Variants in NHSL1 observed in about 807,000 individuals in gnomAD.
The protein encoded by NHSL1 is NHS like 1.
NHSL1 carries 48 observed loss-of-function variants against 95.0 expected under a neutral mutation model. The ratio of observed to expected loss-of-function variants is 0.51; its 90% CI spans 0.40 to 0.64. The LOEUF is 0.64. NHSL1 is among the 30% of genes least tolerant of loss of function. The probability of loss-of-function intolerance (pLI) is 0.00; values close to 1 mark genes in which losing one functional copy is unlikely to be tolerated. For missense variants in NHSL1, 1,971 were observed against 2,077.7 expected, an observed-to-expected ratio of 0.95 and a Z score of 1.00; for synonymous variants, 783 against 833.9, an observed-to-expected ratio of 0.94 and a Z score of 1.05.
In NHSL1 at chr6:138,544,983, CTTTTTTTTTTT is replaced by C. The variant is rs35979187; in HGVS notation, c.16+629_16+639del. 4.9e-4 allele frequency among the ~76,000 whole-genome samples: 41 copies of C among 83,470 alleles called. No individual in the cohort carries two copies. In the East Asian group the frequency reaches 0.014, roughly 28 times the overall value. 54.8% of individuals were successfully genotyped at this position (83,470 alleles called of 152,430 possible). ...GAACAAGAAGTATGTTCTTTCTTTT[CTTTTTTTTTTT>C]TTTTTTTTTTTTTGAGACCGAGTTT... On this transcript the variant is annotated intron_variant, in intron 1 of 4. Coordinates refer to the NHSL1 transcript ENST00000342260.
chr6:138,511,751 C>T (rs1181818132), intron 1 of NHSL1, among the ~76,000 whole-genome samples: 1 of 152,140 alleles, frequency 6.6e-6, no homozygotes, highest in East Asian at 1.9e-4. Flanking sequence ...GCCTGGGCAA[C>T]ATGGCAAAAA....
rs116110066 is a variant in NHSL1, at chr6:138,424,185, C to G, written c.4717G>C (p.Ala1573Pro). 7.4e-3 allele frequency: 10,842 copies of G among 1,473,514 alleles called. 614 individuals carry two copies. In the African/African-American group the frequency reaches 0.13, roughly 18 times the overall value. 91.3% of individuals were successfully genotyped at this position (1,473,514 alleles called of 1,614,324 possible). The change falls in exon 8 of 8, where the codon GCC becomes CCC. Residue 1573 changes from alanine to proline, a missense_variant. Transcript: ENST00000343505. The surrounding 1 kb of genome is among the most constrained non-coding windows in gnomAD (Gnocchi z 5.9). ...CCGGGGGCCTGGGGCTGCAGGGAGG[C>G]GGCAGGCCCCTCCCCACAGAGCAGG... ...GGLLCGEGPA[A>P]SLQPQAPGPV...
intron 1 of NHSL1, among the ~76,000 whole-genome samples, chr6:138,565,311 T>G (rs1783571501): frequency 6.6e-6 from 1 of 152,144 alleles, no homozygotes; most frequent in Non-Finnish European, 1.5e-5. Context: ...TTCACCATGT[T>G]GGCCAGGCTG....
intron 1 of NHSL1, among the ~76,000 whole-genome samples, 155 bp from the exon 2 acceptor site, chr6:138,496,526 AG>A (rs1202613730): frequency 6.6e-6 from 1 of 152,236 alleles, no homozygotes; most frequent in Non-Finnish European, 1.5e-5. Context: ...CTTAGATTCC[AG>A]GGGTCTCGCC....
Position 138,424,806 on chromosome 6 carries a change from T to G in NHSL1, c.4096A>C (p.Lys1366Gln). 6.5e-7 allele frequency: 1 copy of G among 1,548,710 alleles called. No homozygotes were observed. Among genetic ancestry groups the G allele is most frequent in the Non-Finnish European group, 8.7e-7 (1 of 1,145,162 alleles). The change falls in exon 8 of 8, where the codon AAA becomes CAA. Residue 1366 changes from lysine to glutamine, a missense_variant. Physicochemically the swap from Lys to Gln is moderately conservative, Grantham distance 53 (BLOSUM62 1). Transcript: ENST00000343505. The surrounding 1 kb of genome is among the most constrained non-coding windows in gnomAD (Gnocchi z 5.9). ...LFAAIHRSKR[K>Q]VLGRRDSDDD... ...TCTGAATCTCTACGGCCGAGGACTT[T>G]CCTTTTGGATCTGAGATTTAATAAC...
At chr6:138,553,707 C>T (rs866963371) in intron 1 of NHSL1, among the ~76,000 whole-genome samples, 3 of 152,212 alleles carry the variant, frequency 2.0e-5, no homozygotes, top group African/African-American at 7.2e-5. Flanking sequence ...TTTCCCTACA[C>T]ATGACGGTAT....
At chr6:138,624,975 T>C (rs1784715936) in intron 1 of NHSL1, among the ~76,000 whole-genome samples, 1 of 152,194 alleles carries the variant, frequency 6.6e-6, no homozygotes. Flanking sequence ...AGTTTATATA[T>C]ACAAAATATA....
chr6:138,553,465 A>AAGC (rs1783084539), intron 1 of NHSL1, among the ~76,000 whole-genome samples: 1 of 152,196 alleles, frequency 6.6e-6, no homozygotes, highest in South Asian at 2.1e-4. Context: ...GTGATCCTTA[A>AAGC]AGCAGCAACT....
At chr6:138,637,033 GCA>G (rs1188295416) in intron 1 of NHSL1, among the ~76,000 whole-genome samples, 1 of 151,912 alleles carries the variant, frequency 6.6e-6, no homozygotes, top group Non-Finnish European at 1.5e-5. Context: ...AATCAAAACA[GCA>G]CAGTTTTGAA....
intron 1 of NHSL1, among the ~76,000 whole-genome samples, chr6:138,680,400 A>G (rs1456055051): frequency 1.3e-5 from 2 of 152,222 alleles, no homozygotes; most frequent in Admixed American, 6.5e-5. Flanking sequence ...CTCATGACCA[A>G]TTGCATTTAC....
intron 1 of NHSL1, among the ~76,000 whole-genome samples, chr6:138,591,056 A>G (rs1784216884): frequency 6.6e-6 from 1 of 152,194 alleles, no homozygotes; most frequent in Non-Finnish European, 1.5e-5. Flanking sequence ...CTCAAGAAAA[A>G]GAACAGCAAT....
At chr6:138,663,361 G>C (rs1490560940) in intron 1 of NHSL1, among the ~76,000 whole-genome samples, 1 of 151,964 alleles carries the variant, frequency 6.6e-6, no homozygotes, top group Non-Finnish European at 1.5e-5. Context: ...GGGAGTTCGA[G>C]ACCAGCCTGA....
rs1583187110 is a variant in NHSL1, at chr6:138,447,137, T to C, written c.396A>G (p.Thr132=). 2 of 1,551,764 alleles carry C rather than the reference T, an allele frequency of 1.3e-6. No homozygotes were observed. Among genetic ancestry groups the C allele is most frequent in the South Asian group, 2.4e-5 (2 of 84,060 alleles). The change falls in exon 4 of 8, where the codon ACA becomes ACG. Residue 132 remains threonine, a synonymous_variant. Transcript: ENST00000343505. Reference sequence around the variant, plus strand: ...GGTCGGAGAAGTCACTTGAGGCTGGTGTTTTAGGTCTCCTGATGGAAATAA... The same window carrying C: ...GGTCGGAGAAGTCACTTGAGGCTGGCGTTTTAGGTCTCCTGATGGAAATAA... ...ERFISIRRPK[T]PASSDFSDLN...
intron 1 of NHSL1, among the ~76,000 whole-genome samples, chr6:138,528,537 A>G (rs1782006341): frequency 1.3e-5 from 2 of 152,188 alleles, no homozygotes; most frequent in African/African-American, 2.4e-5. Context: ...ATAATTCATG[A>G]TTTGTTCTCT....
At chr6:138,427,985 C>A (rs1001933070) in intron 7 of NHSL1, among the ~76,000 whole-genome samples, 1 of 152,158 alleles carries the variant, frequency 6.6e-6, no homozygotes, top group African/African-American at 2.4e-5. Context: ...ACCAACTGAC[C>A]GATTTCTACA....
At chr6:138,526,264 C>G (rs914371643) in intron 1 of NHSL1, among the ~76,000 whole-genome samples, 2 of 152,134 alleles carry the variant, frequency 1.3e-5, no homozygotes, top group African/African-American at 4.8e-5. Flanking sequence ...GGATGGATCA[C>G]TTGAGCTTAG....
intron 1 of NHSL1, among the ~76,000 whole-genome samples, chr6:138,552,901 C>T (rs1321874672): frequency 1.3e-5 from 2 of 152,158 alleles, no homozygotes; most frequent in Non-Finnish European, 2.9e-5. Flanking sequence ...GCCCTGATGT[C>T]GCTTCAAAGC....
intron 2 of NHSL1, among the ~76,000 whole-genome samples, chr6:138,479,717 G>A (rs1779301643): frequency 6.6e-6 from 1 of 152,214 alleles, no homozygotes; most frequent in African/African-American, 2.4e-5. Flanking sequence ...CTTTAAACAT[G>A]CTATTATCTA....
chr6:138,501,836 T>C (rs750029747), upstream of NHSL1, among the ~76,000 whole-genome samples: 7 of 152,252 alleles, frequency 4.6e-5, no homozygotes, highest in African/African-American at 7.2e-5. Context: ...TATGCACATC[T>C]TCCCATATAC....
Sources: allele counts gnomAD v4.1 joint callset (sites outside exome capture counted in the v4.1 genomes callset), GRCh38; gene constraint gnomAD v4.1.1; non-coding constraint Gnocchi (gnomAD v3.1); transcripts MANE v1.5; gene names NCBI Gene and HGNC (gene_info 2026-07-23, HGNC 2026-07-21).